Variants in ALDH16A1 observed in about 807,000 individuals in gnomAD.
The protein encoded by ALDH16A1 is aldehyde dehydrogenase 16 family member A1.
In ALDH16A1, 88 loss-of-function variants were observed where a neutral mutation model predicts 96.1. The ratio of observed to expected loss-of-function variants is 0.92; its 90% CI spans 0.77 to 1.09. The LOEUF is 1.09. Ranked by LOEUF, ALDH16A1 falls within the 50% of genes least tolerant of loss-of-function variation. The probability of loss-of-function intolerance (pLI) is 0.00; values close to 1 mark genes in which losing one functional copy is unlikely to be tolerated. For synonymous variants in ALDH16A1, 522 were observed against 496.4 expected (o/e 1.05, Z -0.69); for missense variants, 1,250 against 1,112.6 (o/e 1.12, Z -1.76).
chr19:49,465,798 C>T lies in ALDH16A1; in HGVS notation c.1629C>T (p.Ser543=), dbSNP rs1231974281. 1.2e-6 allele frequency: 2 copies of T among 1,614,170 alleles called. No homozygotes were observed. Among genetic ancestry groups the T allele is most frequent in the Non-Finnish European group, 1.7e-6 (2 of 1,180,010 alleles). The stretch of plus-strand genomic sequence containing the variant: ...GTTTCCAGGCTCCTGGGGCCCGAAG[C>T]TCCAGGCCCATCCGGGATTCGTCTG... ...GGRFQAPGAR[S]SRPIRDSSGN... The change falls in exon 13 of 17, where the codon AGC becomes AGT. Residue 543 remains serine (S), a synonymous_variant. Transcript: ENST00000293350.
rs188644790 is a variant in ALDH16A1 at position 49,462,407 on chromosome 19, C to T, written c.913-163C>T. Among the ~76,000 whole-genome samples the T allele has an allele frequency of 1.8e-3, 279 of 152,300 alleles. 1 individual carries two copies. The highest frequency in any genetic ancestry group is 6.4e-3 in the African/African-American group (264 of 41,566). On this transcript the variant is annotated intron_variant, in intron 7 of 16. Transcript: ENST00000293350. ...ACCTCGGCCTCCCAAAGTGCTGGGA[C>T]TGCAGGTGTGAGCCACCGCATCCGG...
chr19:49,456,702 T>C (rs1329070802), intron 1 of ALDH16A1, among the ~76,000 whole-genome samples: 1 of 152,212 alleles, frequency 6.6e-6, no homozygotes, highest in Non-Finnish European at 1.5e-5. Flanking sequence ...CAATCATTCT[T>C]TAATGTCATC....
chr19:49,468,832 C>T lies in ALDH16A1; in HGVS notation c.2125-32C>T. On this transcript the variant is annotated intron_variant, in intron 15 of 16. Transcript: ENST00000293350. The surrounding 1 kb of genome is among the most constrained non-coding windows in gnomAD (Gnocchi z 4.4). The stretch of plus-strand genomic sequence containing the variant: ...CCACTCCTTGCCCTGCCCCCACGGC[C>T]TCCCCAACCTTTCACTCTCTCTATC... 1 of 1,603,928 alleles carries T rather than the reference C, an allele frequency of 6.2e-7. No individual in the cohort carries two copies. Among genetic ancestry groups the T allele is most frequent in the Non-Finnish European group, 8.5e-7 (1 of 1,174,096 alleles).
intron 16 of ALDH16A1, 169 bp downstream of exon 16, chr19:49,469,155 G>A: frequency 9.8e-7 from 1 of 1,020,674 alleles, no homozygotes; most frequent in East Asian, 2.8e-5. Flanking sequence ...CTAAGGAAGA[G>A]GCTGTCCTTA....
intron 10 of ALDH16A1, 64 bp from the exon 11 acceptor site, chr19:49,464,353 T>A: frequency 6.4e-7 from 1 of 1,564,850 alleles, no homozygotes; most frequent in South Asian, 1.2e-5. Context: ...CGCCTTTAAC[T>A]CACCCCTCTC....
In ALDH16A1 at chr19:49,467,108, C is replaced by T. The variant is rs1386489078; in HGVS notation, c.1938+825C>T. ...TCATGGCTCACTGCAGCCTCAACCT[C>T]CGAGGTCCAAGTGAGCCCCCCACCT... On this transcript the variant is annotated intron_variant, in intron 14 of 16. Transcript: ENST00000293350. 3.3e-5 allele frequency among the ~76,000 whole-genome samples: 5 copies of T among 152,342 alleles called. No homozygotes were observed. In the East Asian group the frequency reaches 9.7e-4, roughly 29 times the overall value.
rs150696383 is a variant in ALDH16A1, at chr19:49,464,671, C to G, written c.1477C>G (p.Arg493Gly). Residue 493 changes from arginine (R) to glycine (G), a missense_variant, in exon 12 of 17, where the codon CGG becomes GGG. Coordinates refer to ENST00000293350, the MANE Select transcript of ALDH16A1 (RefSeq NM_153329.4). ...EYLRPSGTPARLSCLSKNLNY... is the reference protein window; with the variant it reads ...EYLRPSGTPAGLSCLSKNLNY... ...TCTGCGGCCCTCAGGGACCCCTGCCCGGCTGTCCTGCCTCTCCAAGAACCT... is the reference window on the plus strand; with the variant it reads ...TCTGCGGCCCTCAGGGACCCCTGCCGGGCTGTCCTGCCTCTCCAAGAACCT... The G allele has an allele frequency of 1.9e-6, 3 of 1,614,070 alleles. No homozygotes were observed. The highest frequency in any genetic ancestry group is 2.5e-6 in the Non-Finnish European group (3 of 1,180,038).
intron 14 of ALDH16A1, 38 bp downstream of exon 14, chr19:49,466,321 C>G (rs540419098): frequency 7.0e-7 from 1 of 1,422,504 alleles, no homozygotes; most frequent in African/African-American, 1.5e-5. Flanking sequence ...GCTGGGCAGG[C>G]GGGGTGGGGC....
chr19:49,468,240 C>T lies in ALDH16A1; in HGVS notation c.1939-141C>T, dbSNP rs1016819184. 1.1e-4 allele frequency: 82 copies of T among 771,306 alleles called. No individual in the cohort carries two copies. The highest frequency in any genetic ancestry group is 1.5e-4 in the Non-Finnish European group (74 of 489,876). The allele number at this position is 771,306 out of a possible 1,614,324, so 47.8% of individuals were successfully genotyped here. Reference sequence around the variant, plus strand: ...CCGTGGAATGATTCACTTTGACCAGCGTCTGCGAAATGGCAGGGGCTTCCA... The same window carrying T: ...CCGTGGAATGATTCACTTTGACCAGTGTCTGCGAAATGGCAGGGGCTTCCA... On this transcript the variant is annotated intron_variant, in intron 14 of 16. Coordinates refer to ENST00000293350, the MANE Select transcript of ALDH16A1 (RefSeq NM_153329.4). This position sits in a 1 kb window ranked among gnomAD's most constrained non-coding sequence, Gnocchi z 4.4.
intron 1 of ALDH16A1, among the ~76,000 whole-genome samples, chr19:49,457,845 A>T (rs1292694479): frequency 6.6e-6 from 1 of 152,038 alleles, no homozygotes; most frequent in Non-Finnish European, 1.5e-5. Flanking sequence ...GCCTAGGCTC[A>T]GACCACCTCG....
At chr19:49,462,433 CCT>C in intron 7 of ALDH16A1, 135 bp from the exon 8 acceptor site, 12 of 1,143,410 alleles carry the variant, frequency 1.0e-5, no homozygotes, top group Admixed American at 2.5e-5. Context: ...CCGCATCCGG[CCT>C]CTCTGTTCTT....
At chr19:49,464,857 A>G (rs2079185429) in intron 12 of ALDH16A1, 95 bp downstream of exon 12, 3 of 1,564,068 alleles carry the variant, frequency 1.9e-6, no homozygotes, top group Non-Finnish European at 2.6e-6. Context: ...CGCGAGGTCC[A>G]TCCAAACCAT....
In ALDH16A1 at chr19:49,464,639, A is replaced by C. The variant is rs1467515161; in HGVS notation, c.1445A>C (p.Tyr482Ser). ...ACACCGTCCCTCTCACAGGGGCTGT[A>C]TGAGTATCTGCGGCCCTCAGGGACC... is the stretch of plus-strand genomic sequence containing the variant. ...CSWHGGPDGL[Y>S]EYLRPSGTPA... The change falls in exon 12 of 17, where the codon TAT becomes TCT. Residue 482 changes from tyrosine (Y) to serine (S), a missense_variant. Physicochemically the swap from Tyr to Ser is moderately radical, Grantham distance 144. Transcript: ENST00000293350. 6.2e-7 allele frequency: 1 copy of C among 1,613,982 alleles called. No individual in the cohort carries two copies. The highest frequency in any genetic ancestry group is 1.3e-5 in the African/African-American group (1 of 74,986).
Position 49,453,399 on chromosome 19 carries a change from C to G in ALDH16A1, c.68C>G (p.Pro23Arg). 2 of 1,557,178 alleles carry G rather than the reference C, an allele frequency of 1.3e-6. No homozygotes were observed. The highest frequency in any genetic ancestry group is 1.2e-5 in the South Asian group (1 of 85,130). The change falls in exon 1 of 17, where the codon CCG becomes CGG. Residue 23 changes from proline to arginine, a missense_variant. Pro to Arg is a moderately radical substitution (Grantham distance 103, BLOSUM62 -2). Transcript: ENST00000293350. ...IFTSLEYGPV[P>R]ESHACALAWL... ...ACCTCGCTGGAGTACGGACCGGTGC[C>G]GGAGAGCCACGCATGCGCACTGGTG...
Position 49,466,119 on chromosome 19 carries a change from C to G in ALDH16A1, c.1774C>G (p.Leu592Val). The change falls in exon 14 of 17, where the codon CTG becomes GTG. Residue 592 changes from leucine to valine, a missense_variant. Coordinates refer to ENST00000293350, the MANE Select transcript of ALDH16A1 (RefSeq NM_153329.4). ...GTCCCCAGGAGCCCGGGCAGCCCTG[C>G]TGTGGGCCCTGGCGGCTGCACTGGA... ...GQSPGARAAL[L>V]WALAAALERR... 1 of 1,553,218 alleles carries G rather than the reference C, an allele frequency of 6.4e-7. No individual in the cohort carries two copies.
rs1601012176 is a variant in ALDH16A1 at position 49,453,523 on chromosome 19, C to T, written c.90+102C>T. Reference sequence around the variant, plus strand: ...CATCCACTGCGGTAGCTCAGCCGCTCCGCCTCTCTTAGTCCCCGTGATTCC... The same window carrying T: ...CATCCACTGCGGTAGCTCAGCCGCTTCGCCTCTCTTAGTCCCCGTGATTCC... On this transcript the variant is annotated intron_variant, in intron 1 of 16. Transcript: ENST00000293350. 2.7e-6 allele frequency: 3 copies of T among 1,119,712 alleles called. No homozygotes were observed. The East Asian group carries it at 7.8e-5, about 29-fold the overall frequency. The allele number at this position is 1,119,712 out of a possible 1,614,324, so 69.4% of individuals were successfully genotyped here.
At position 49,468,517 on chromosome 19, in the gene ALDH16A1, T is replaced by A; in HGVS notation, c.2075T>A (p.Val692Asp). 1.2e-6 allele frequency: 2 copies of A among 1,604,518 alleles called. No individual in the cohort carries two copies. The highest frequency in any genetic ancestry group is 1.7e-6 in the Non-Finnish European group (2 of 1,179,904). ...GCCCTGGCCTACGGCAACACTGTGGTCATGGTGCCCAGTGCGGCCTGTCCT... is the reference window on the plus strand; with the variant it reads ...GCCCTGGCCTACGGCAACACTGTGGACATGGTGCCCAGTGCGGCCTGTCCT... ...APALAYGNTV[V>D]MVPSAACPLL... The change falls in exon 15 of 17, where the codon GTC becomes GAC. Residue 692 changes from valine to aspartate, a missense_variant. Val to Asp is a radical substitution (Grantham distance 152, BLOSUM62 -3). Coordinates refer to ENST00000293350, the MANE Select transcript of ALDH16A1 (RefSeq NM_153329.4). The surrounding 1 kb of genome is among the most constrained non-coding windows in gnomAD (Gnocchi z 4.4).
At chr19:49,462,166 C>A in intron 7 of ALDH16A1, 130 bp downstream of exon 7, 1 of 1,322,742 alleles carries the variant, frequency 7.6e-7, no homozygotes, top group Non-Finnish European at 9.9e-7. Context: ...GAGTTTCACT[C>A]TTGTCGCCCA....
At chr19:49,453,478 T>A in intron 1 of ALDH16A1, 57 bp downstream of exon 1, 1 of 1,457,790 alleles carries the variant, frequency 6.9e-7, no homozygotes, top group South Asian at 1.3e-5. Context: ...GGGCGCCCGG[T>A]TTTTCGCGGG....
Sources: allele counts gnomAD v4.1 joint callset (sites outside exome capture counted in the v4.1 genomes callset), GRCh38; gene constraint gnomAD v4.1.1; non-coding constraint Gnocchi (gnomAD v3.1); transcripts MANE v1.5; gene names NCBI Gene and HGNC (gene_info 2026-07-23, HGNC 2026-07-21).